Variants in LMBR1 observed in about 807,000 individuals in gnomAD.
LMBR1 encodes limb development membrane protein 1, also known as limb region 1 protein homolog.
A neutral mutation model predicts 73.9 loss-of-function variants in LMBR1; 52 were observed. That is an observed-to-expected ratio of 0.70 (90% CI 0.56 to 0.89). The LOEUF (loss-of-function observed/expected upper bound fraction) is 0.89, where lower values mean the gene tolerates loss of function less well. LMBR1 is among the 40% of genes least tolerant of loss of function. LMBR1 has a pLI of 0.00. For missense variants in LMBR1, 539 were observed against 579.8 expected (o/e 0.93, Z 0.72); for synonymous variants, 215 against 209.4 (o/e 1.03, Z -0.23).
At chr7:156,708,666 GAGCAGA>G (rs1563181767) in intron 15 of LMBR1, among the ~76,000 whole-genome samples, 8 of 152,196 alleles carry the variant, frequency 5.3e-5, no homozygotes, top group African/African-American at 1.9e-4. Context: ...AAATTTTCTT[GAGCAGA>G]ATCTGGTAGG....
intron 10 of LMBR1, among the ~76,000 whole-genome samples, chr7:156,730,464 G>T (rs763588107): frequency 1.3e-5 from 2 of 152,170 alleles, no homozygotes; most frequent in Non-Finnish European, 2.9e-5. Context: ...TGGACCGGTC[G>T]TCATAAAGAC....
intron 9 of LMBR1, among the ~76,000 whole-genome samples, chr7:156,749,927 G>A (rs1033135312): frequency 2.0e-5 from 3 of 152,144 alleles, no homozygotes; most frequent in Non-Finnish European, 4.4e-5. Flanking sequence ...AACCTCAGGT[G>A]ATCTGCCTGC....
intron 10 of LMBR1, among the ~76,000 whole-genome samples, chr7:156,729,342 T>C (rs1176907368): frequency 1.3e-5 from 2 of 152,022 alleles, no homozygotes; most frequent in Non-Finnish European, 2.9e-5. Flanking sequence ...TGGATTTTGG[T>C]ACCCATGGGG....
At chr7:156,684,212 C>G (rs764936365) in intron 16 of LMBR1, 49 bp from the exon 17 acceptor site, 1 of 1,425,028 alleles carries the variant, frequency 7.0e-7, no homozygotes, top group Non-Finnish European at 9.9e-7. Flanking sequence ...TGCTGAGTGG[C>G]TGGGAAAGGG....
intron 15 of LMBR1, among the ~76,000 whole-genome samples, chr7:156,707,816 G>C (rs150267270): frequency 6.6e-6 from 1 of 152,100 alleles, no homozygotes; most frequent in African/African-American, 2.4e-5. Context: ...ATTCAACAGA[G>C]TACTGACAGT....
At chr7:156,727,364 G>T (rs568911182) in intron 12 of LMBR1, among the ~76,000 whole-genome samples, 3 of 152,174 alleles carry the variant, frequency 2.0e-5, no homozygotes, top group African/African-American at 7.2e-5. Flanking sequence ...TTGTTTTGTT[G>T]GTATAGTAAA....
chr7:156,786,556 C>T (rs1391717592), intron 5 of LMBR1, among the ~76,000 whole-genome samples: 3 of 151,860 alleles, frequency 2.0e-5, no homozygotes, highest in Non-Finnish European at 4.4e-5. Flanking sequence ...ACAAAGTAGC[C>T]AAAATAGAAT....
chr7:156,782,225 C>T (rs1183161975), intron 5 of LMBR1, among the ~76,000 whole-genome samples: 1 of 152,188 alleles, frequency 6.6e-6, no homozygotes, highest in Non-Finnish European at 1.5e-5. Context: ...TCATCATACA[C>T]AGTTGGATTG....
In LMBR1 at chr7:156,725,761, T is replaced by C. The variant is rs1815613981; in HGVS notation, c.1067+3A>G. The C allele has an allele frequency of 1.2e-6, 2 of 1,612,030 alleles. No individual in the cohort carries two copies. Among genetic ancestry groups the C allele is most frequent in the African/African-American group, 1.3e-5 (1 of 74,764 alleles). On this transcript the variant is annotated splice_donor_region_variant and intron_variant, in intron 13 of 16. Coordinates refer to ENST00000353442, the MANE Select transcript of LMBR1 (RefSeq NM_022458.4). ...GCTGAACGTTCAGTTAAAGAAAGGATACAAAATCAAAATGATTTCAAGCGC... is the reference window on the plus strand; with the variant it reads ...GCTGAACGTTCAGTTAAAGAAAGGACACAAAATCAAAATGATTTCAAGCGC...
At chr7:156,719,123 T>TCCC (rs373665026) in intron 15 of LMBR1, among the ~76,000 whole-genome samples, 2 of 135,560 alleles carry the variant, frequency 1.5e-5, no homozygotes, top group Non-Finnish European at 1.6e-5. Context: ...CCTAATGCTA[T>TCCC]CCCCCCCCTC....
At chr7:156,734,691 G>T (rs544987020) in intron 9 of LMBR1, among the ~76,000 whole-genome samples, 2 of 152,042 alleles carry the variant, frequency 1.3e-5, no homozygotes, top group Non-Finnish European at 2.9e-5. Flanking sequence ...ATTTCTTAAC[G>T]TGGTAAAGTT....
At chr7:156,758,387 G>T (rs560632409) in intron 8 of LMBR1, among the ~76,000 whole-genome samples, 36 of 152,224 alleles carry the variant, frequency 2.4e-4, no homozygotes, top group Admixed American at 2.1e-3. Context: ...TATCACCACG[G>T]GTATGTCTTA....
chr7:156,837,979 G>A (rs1586141472), intron 1 of LMBR1, among the ~76,000 whole-genome samples: 1 of 151,830 alleles, frequency 6.6e-6, no homozygotes, highest in South Asian at 2.1e-4. Flanking sequence ...GCAAAGATGG[G>A]GTTTTACCAT....
chr7:156,811,366 C>A (rs1833063823), intron 4 of LMBR1, among the ~76,000 whole-genome samples: 1 of 151,974 alleles, frequency 6.6e-6, no homozygotes, highest in African/African-American at 2.4e-5. Flanking sequence ...AATCCCAGCA[C>A]TTTGGGAGGC....
chr7:156,835,194 C>T (rs967699594), intron 2 of LMBR1, among the ~76,000 whole-genome samples: 1 of 151,968 alleles, frequency 6.6e-6, no homozygotes, highest in East Asian at 1.9e-4. Context: ...TTCTTAAATG[C>T]CTAATGTCCT....
intron 1 of LMBR1, 88 bp downstream of exon 1, chr7:156,892,840 G>A: frequency 2.2e-6 from 2 of 895,692 alleles, no homozygotes; most frequent in Non-Finnish European, 2.9e-6. Flanking sequence ...CCGGAGGTGA[G>A]GGGTCCGGGG....
chr7:156,784,024 C>T (rs1276132180), intron 5 of LMBR1, among the ~76,000 whole-genome samples: 5 of 148,088 alleles, frequency 3.4e-5, no homozygotes, highest in African/African-American at 5.1e-5. Context: ...CAGCATCACA[C>T]TATAATACTA....
At chr7:156,821,288 C>A (rs895027066) in intron 4 of LMBR1, among the ~76,000 whole-genome samples, 1 of 152,230 alleles carries the variant, frequency 6.6e-6, no homozygotes, top group Non-Finnish European at 1.5e-5. Flanking sequence ...CCAGCCTGCA[C>A]CTACAGTCTC....
Position 156,734,246 on chromosome 7 carries a change from A to C in LMBR1, c.769T>G (p.Ser257Ala). 6.2e-7 allele frequency: 1 copy of C among 1,610,066 alleles called. No individual in the cohort carries two copies. Among genetic ancestry groups the C allele is most frequent in the Non-Finnish European group, 8.5e-7 (1 of 1,178,488 alleles). The change falls in exon 10 of 17, where the codon TCG becomes GCG. Residue 257 changes from serine (S) to alanine (A), a missense_variant. Around this residue, in one of 3 missense-constraint regions of LMBR1, gnomAD observed 454 missense variants for 473.4 expected, o/e 0.96. Coordinates refer to ENST00000353442, the MANE Select transcript of LMBR1 (RefSeq NM_022458.4). ...AACTCCATTATGTTGTATTCCACCG[A>C]TGAAGACAGCCCTGTTCAAAGCAAA... ...LQRRLNGLSS[S>A]VEYNIMELEQ... is the part of the protein sequence containing the mutation.
Sources: allele counts gnomAD v4.1 joint callset (sites outside exome capture counted in the v4.1 genomes callset), GRCh38; gene constraint gnomAD v4.1.1; regional missense constraint gnomAD v4.1.1; transcripts MANE v1.5; gene names NCBI Gene and HGNC (gene_info 2026-07-23, HGNC 2026-07-21).